CNTROB: variants seen among roughly 807,000 people sequenced by gnomAD.
CNTROB encodes the protein centrobin, centriole duplication and spindle assembly protein.
Under a neutral mutation model 115.7 loss-of-function variants are expected in CNTROB, and 82 were observed. The ratio of observed to expected loss-of-function variants is 0.71; its 90% CI spans 0.59 to 0.85. CNTROB has a LOEUF of 0.85. Among genes scored for constraint, CNTROB ranks in the 40% least tolerant of loss-of-function variants. CNTROB has a pLI of 0.00. For synonymous variants in CNTROB, 439 were observed against 456.4 expected, an observed-to-expected ratio of 0.96 and a Z score of 0.49; for missense variants, 1,014 against 1,144.4, an observed-to-expected ratio of 0.89 and a Z score of 1.64.
At position 7,933,100 on chromosome 17, in the gene CNTROB, C is replaced by T; in HGVS notation, c.21C>T (p.Ser7=). 6.2e-7 allele frequency: 1 copy of T among 1,614,036 alleles called. No individual in the cohort carries two copies. Among genetic ancestry groups the T allele is most frequent in the Non-Finnish European group, 8.5e-7 (1 of 1,179,988 alleles). MATSAD[S]PSSPLGAEDL... ...TATTCATGGCAACATCAGCTGACAG[C>T]CCCAGTTCACCCCTCGGGGCGGAGG... The change falls in exon 1 of 19, where the codon AGC becomes AGT. Residue 7 remains serine (S), a synonymous_variant. Transcript: ENST00000563694.
At chr17:7,935,260 T>G (rs555380256) in intron 4 of CNTROB, 115 bp downstream of exon 4, 9 of 1,513,132 alleles carry the variant, frequency 5.9e-6, no homozygotes, top group Admixed American at 5.3e-5. Flanking sequence ...TCACAGCACT[T>G]TGGGAGGCTG....
In CNTROB at chr17:7,939,147, C is replaced by T. The variant is rs1158710325; in HGVS notation, c.928-366C>T. 6.6e-6 allele frequency among the ~76,000 whole-genome samples: 1 copy of T among 152,062 alleles called. No homozygotes were observed. The highest frequency in any genetic ancestry group is 1.5e-5 in the Non-Finnish European group (1 of 68,016). On this transcript the variant is annotated intron_variant, in intron 7 of 18. Transcript: ENST00000563694. The surrounding 1 kb of genome is among the most constrained non-coding windows in gnomAD (Gnocchi z 4.4). ...GCTCGATGTCGCCTAGGCTGGAGTGCAGTTGTGTGATCCCAGCTCACTGCA... is the reference window on the plus strand; with the variant it reads ...GCTCGATGTCGCCTAGGCTGGAGTGTAGTTGTGTGATCCCAGCTCACTGCA...
intron 14 of CNTROB, 55 bp downstream of exon 14, chr17:7,947,777 T>A (rs1342352724): frequency 2.5e-6 from 4 of 1,600,460 alleles, no homozygotes; most frequent in Non-Finnish European, 3.4e-6. Flanking sequence ...TCTCCTTTCC[T>A]CTTTCTGCTC....
rs768519053 is a variant in CNTROB, at chr17:7,939,512, G to C, written c.928-1G>C. ...AGCTTGGTTTTCTTCTGCGGCTGTA[G>C]GAGGAGGAAAGGCAAGCTCTGACTC... On this transcript the variant is annotated splice_acceptor_variant, in intron 7 of 18. Coordinates refer to ENST00000563694, the MANE Select transcript of CNTROB (RefSeq NM_053051.5). LOFTEE classifies it high-confidence loss of function. This position sits in a 1 kb window ranked among gnomAD's most constrained non-coding sequence, Gnocchi z 4.4. The C allele has an allele frequency of 6.2e-7, 1 of 1,613,754 alleles. No individual in the cohort carries two copies. The highest frequency in any genetic ancestry group is 1.3e-5 in the African/African-American group (1 of 75,062).
intron 1 of CNTROB, among the ~76,000 whole-genome samples, chr17:7,933,831 A>G (rs1972822201): frequency 6.6e-6 from 1 of 152,212 alleles, no homozygotes; most frequent in African/African-American, 2.4e-5. Context: ...GTCAGAGTCA[A>G]TTTGCAGACT....
At chr17:7,946,146 T>A (rs1974510503) in intron 13 of CNTROB, among the ~76,000 whole-genome samples, 160 bp downstream of exon 13, 1 of 152,184 alleles carries the variant, frequency 6.6e-6, no homozygotes, top group African/African-American at 2.4e-5. Context: ...TTGGTCCAAA[T>A]AAAGGGATTG....
chr17:7,932,156 T>C (rs1258905621), upstream of CNTROB: 1 of 334,056 alleles, frequency 3.0e-6, no homozygotes, highest in African/African-American at 2.1e-5. Context: ...TCTGCGAGCG[T>C]GGTCTCGCGG....
chr17:7,945,471 C>A (rs1167517608), intron 12 of CNTROB: 5 of 387,910 alleles, frequency 1.3e-5, no homozygotes, highest in Non-Finnish European at 2.3e-5. Flanking sequence ...CCTTCCTCAG[C>A]TTCCTGAGTA....
At position 7,944,813 on chromosome 17, in the gene CNTROB, GA is replaced by G; in HGVS notation, c.1734+176del. Among the ~76,000 whole-genome samples the G allele has an allele frequency of 6.6e-6, 1 of 152,162 alleles. No individual in the cohort carries two copies. The highest frequency in any genetic ancestry group is 1.5e-5 in the Non-Finnish European group (1 of 68,030). ...CCACCTCTAACTCCCAAAGTGCTGG[GA>G]TTCCAGGCATAAGCTACCATGCCCA... On this transcript the variant is annotated intron_variant, in intron 12 of 18. Transcript: ENST00000563694. This position sits in a 1 kb window ranked among gnomAD's most constrained non-coding sequence, Gnocchi z 4.0.
chr17:7,946,307 T>G (rs1329232975), intron 13 of CNTROB, among the ~76,000 whole-genome samples: 1 of 152,246 alleles, frequency 6.6e-6, no homozygotes, highest in East Asian at 1.9e-4. Context: ...CTCTTTTTTC[T>G]TGCTAGACCA....
In CNTROB at chr17:7,945,805, C is replaced by T. The variant is rs751591399; in HGVS notation, c.1812C>T (p.Pro604=). 1.5e-5 allele frequency: 25 copies of T among 1,614,108 alleles called. No individual in the cohort carries two copies. Among genetic ancestry groups the T allele is most frequent in the Admixed American group, 3.3e-5 (2 of 60,014 alleles). Residue 604 remains proline, a synonymous_variant, in exon 13 of 19, where the codon CCC becomes CCT. Transcript: ENST00000563694. ...KEERRVWTMP[P]MAVALKPVLQ... is the part of the protein sequence containing the mutation. ...AGAGGAGGGTCTGGACTATGCCTCC[C>T]ATGGCCGTGGCCCTGAAGCCTGTAT...
rs767126337 is a variant in CNTROB at position 7,948,015 on chromosome 17, C to A, written c.2209+36C>A. On this transcript the variant is annotated intron_variant, in intron 15 of 18. Coordinates refer to ENST00000563694, the MANE Select transcript of CNTROB (RefSeq NM_053051.5). This position sits in a 1 kb window ranked among gnomAD's most constrained non-coding sequence, Gnocchi z 4.4. Reference sequence around the variant, plus strand: ...ACTCTGAAGAAGGTTGGGGCTGGGGCCTAGGAAAGATCGGAGTTGGTTATC... The same window carrying A: ...ACTCTGAAGAAGGTTGGGGCTGGGGACTAGGAAAGATCGGAGTTGGTTATC... 7.5e-6 allele frequency: 12 copies of A among 1,602,552 alleles called. No individual in the cohort carries two copies. The East Asian group carries it at 2.7e-4, about 36-fold the overall frequency.
intron 9 of CNTROB, among the ~76,000 whole-genome samples, chr17:7,940,740 A>T (rs546555539): frequency 6.6e-6 from 1 of 152,368 alleles, no homozygotes; most frequent in African/African-American, 2.4e-5. Flanking sequence ...ATTGTTTGTC[A>T]GATATAATTA....
rs768266396 is a variant in CNTROB at position 7,943,425 on chromosome 17, C to T, written c.1346C>T (p.Ser449Leu). 6.2e-7 allele frequency: 1 copy of T among 1,613,296 alleles called. No individual in the cohort carries two copies. The highest frequency in any genetic ancestry group is 1.1e-5 in the South Asian group (1 of 91,022). ...RYESQRIQLE[S>L]ELAVQLEQRV... The stretch of plus-strand genomic sequence containing the variant: ...GAAAGCCAGCGGATCCAGCTGGAGT[C>T]GGAGCTGGCTGTGCAGCTGGAGCAG... Residue 449 changes from serine to leucine, a missense_variant, in exon 10 of 19, where the codon TCG (serine) becomes TTG (leucine). Physicochemically the swap from Ser to Leu is moderately radical, Grantham distance 145. Transcript: ENST00000563694. This position sits in a 1 kb window ranked among gnomAD's most constrained non-coding sequence, Gnocchi z 4.7.
chr17:7,936,316 TG>T, intron 4 of CNTROB, 49 bp from the exon 5 acceptor site: 1 of 820,912 alleles, frequency 1.2e-6, no homozygotes, highest in Non-Finnish European at 2.2e-6. Flanking sequence ...TTTGGTGCTG[TG>T]GTCATACCAA....
intron 13 of CNTROB, 146 bp from the exon 14 acceptor site, chr17:7,947,423 AAC>A: frequency 2.7e-6 from 2 of 750,444 alleles, no homozygotes; most frequent in Non-Finnish European, 4.1e-6. Flanking sequence ...AGCTACTTTA[AAC>A]CTCCATCTTC....
At chr17:7,949,349 C>T (rs754198650) in intron 18 of CNTROB, 36 bp from the exon 19 acceptor site, 64 of 1,611,722 alleles carry the variant, frequency 4.0e-5, no homozygotes, top group Middle Eastern at 3.3e-4. Context: ...GAGGATCTGA[C>T]GCTGATTTCT....
intron 1 of CNTROB, 48 bp downstream of exon 1, chr17:7,933,397 A>G: frequency 6.5e-7 from 1 of 1,546,612 alleles, no homozygotes; most frequent in Non-Finnish European, 8.7e-7. Context: ...GACACCAGAG[A>G]GTCTTGGGAT....
chr17:7,948,207 C>T lies in CNTROB; in HGVS notation c.2260C>T (p.Pro754Ser), dbSNP rs1382417144. The change falls in exon 16 of 19, where the codon CCA (proline) becomes TCA (serine). Residue 754 changes from proline (P) to serine (S), a missense_variant. Physicochemically the swap from Pro to Ser is moderately conservative, Grantham distance 74 (BLOSUM62 -1). Coordinates refer to ENST00000563694, the MANE Select transcript of CNTROB (RefSeq NM_053051.5). The surrounding 1 kb of genome is among the most constrained non-coding windows in gnomAD (Gnocchi z 4.4). Reference protein sequence around the residue: ...WEEAPQVPRIPPPVHKTKVPL... With the variant: ...WEEAPQVPRISPPVHKTKVPL... ...GGAAGCCCCTCAAGTGCCACGTATTCCACCGCCTGTCCACAAAACCAAAGT... is the reference window on the plus strand; with the variant it reads ...GGAAGCCCCTCAAGTGCCACGTATTTCACCGCCTGTCCACAAAACCAAAGT... The T allele has an allele frequency of 6.2e-7, 1 of 1,614,186 alleles. No homozygotes were observed. Among genetic ancestry groups the T allele is most frequent in the South Asian group, 1.1e-5 (1 of 91,084 alleles).
Sources: allele counts gnomAD v4.1 joint callset (sites outside exome capture counted in the v4.1 genomes callset), GRCh38; gene constraint gnomAD v4.1.1; non-coding constraint Gnocchi (gnomAD v3.1); transcripts MANE v1.5; gene names NCBI Gene and HGNC (gene_info 2026-07-23, HGNC 2026-07-21).